The following CDC42BPA variants were observed in gnomAD, a reference collection of about 807,000 sequenced individuals.
CDC42BPA encodes the protein CDC42 binding protein kinase alpha.
In CDC42BPA, 80 loss-of-function variants were observed where a neutral mutation model predicts 223.5. The observed-to-expected ratio is 0.36, with a 90% CI of 0.30 to 0.43. The LOEUF is 0.43. Among genes scored for constraint, CDC42BPA ranks in the 20% least tolerant of loss-of-function variants. The pLI, the probability that CDC42BPA is intolerant of heterozygous loss-of-function variation, is 1.00. For missense variants in CDC42BPA, 1,743 were observed against 2,099.9 expected (o/e 0.83, Z 3.32); for synonymous variants, 694 against 718.6 (o/e 0.97, Z 0.55).
intron 11 of CDC42BPA, among the ~76,000 whole-genome samples, chr1:227,128,326 C>T (rs979181895): frequency 8.5e-5 from 13 of 152,298 alleles, no homozygotes; most frequent in African/African-American, 3.1e-4. Context: ...CCCTGGAGCA[C>T]TATATTTAAA....
intron 8 of CDC42BPA, among the ~76,000 whole-genome samples, chr1:227,143,356 C>T (rs929822054): frequency 6.6e-6 from 1 of 152,130 alleles, no homozygotes. Flanking sequence ...ATTTTATGAT[C>T]ATTTGTAGAC....
In CDC42BPA at chr1:226,994,453, G is replaced by T. The variant is rs1200944377; in HGVS notation, c.5134-54C>A. Reference sequence around the variant, plus strand: ...AGAAGGAGGGGGAGAAAGGGAGGCAGAAGGGGCTCAGATTACCACCGCCCC... The same window carrying T: ...AGAAGGAGGGGGAGAAAGGGAGGCATAAGGGGCTCAGATTACCACCGCCCC... On this transcript the variant is annotated intron_variant, in intron 36 of 36. Coordinates refer to ENST00000366766, the MANE Select transcript of CDC42BPA (RefSeq NM_001394014.1). The surrounding 1 kb of genome is among the most constrained non-coding windows in gnomAD (Gnocchi z 4.0). 8.9e-6 allele frequency: 13 copies of T among 1,456,910 alleles called. No homozygotes were observed. The highest frequency in any genetic ancestry group is 1.2e-5 in the Non-Finnish European group (13 of 1,099,754). The allele number at this position is 1,456,910 out of a possible 1,614,324, so 90.2% of individuals were successfully genotyped here.
rs1196797923 is a variant in CDC42BPA at position 227,031,533 on chromosome 1, T to C, written c.3559-19A>G. The C allele has an allele frequency of 1.3e-6, 2 of 1,586,336 alleles. No homozygotes were observed. Among genetic ancestry groups the C allele is most frequent in the Non-Finnish European group, 1.7e-6 (2 of 1,156,330 alleles). ...CTGTGACCTAGAACAATTTAATCAA[T>C]ATTCATGATATTAGAAAACAGACAC... is the stretch of plus-strand genomic sequence containing the variant. On this transcript the variant is annotated intron_variant, in intron 27 of 36. Transcript: ENST00000366766.
Position 227,051,882 on chromosome 1 carries a change from T to A in CDC42BPA, c.3008A>T (p.Lys1003Met). The A allele has an allele frequency of 2.2e-6, 3 of 1,364,852 alleles. No individual in the cohort carries two copies. Among genetic ancestry groups the A allele is most frequent in the Non-Finnish European group, 2.9e-6 (3 of 1,020,340 alleles). The allele number at this position is 1,364,852 out of a possible 1,614,324, so 84.5% of individuals were successfully genotyped here. Residue 1003 changes from lysine (K) to methionine (M), a missense_variant and splice_region_variant, in exon 22 of 37, where the codon AAG becomes ATG. This residue lies in a region of CDC42BPA where 678 missense variants were observed against 777.5 expected (regional missense o/e 0.87). Coordinates refer to ENST00000366766, the MANE Select transcript of CDC42BPA (RefSeq NM_001394014.1). ...AGCAGGGATGCTCCAATAAGGCACCTTAACTGGCTCAGCTTCACTAGATGT... is the reference window on the plus strand; with the variant it reads ...AGCAGGGATGCTCCAATAAGGCACCATAACTGGCTCAGCTTCACTAGATGT... ...PSTSSEAEPV[K>M]TVDSTPLSVH...
intron 15 of CDC42BPA, among the ~76,000 whole-genome samples, chr1:227,098,579 T>G (rs1049679609): frequency 6.6e-6 from 1 of 152,116 alleles, no homozygotes; most frequent in Non-Finnish European, 1.5e-5. Flanking sequence ...TCCCAACTGC[T>G]TGGACCAAAA....
At chr1:227,084,527 C>CAA (rs577067399) in intron 16 of CDC42BPA, among the ~76,000 whole-genome samples, 30 of 91,028 alleles carry the variant, frequency 3.3e-4, no homozygotes, top group East Asian at 2.6e-3. Context: ...GACTTCATCT[C>CAA]AAAAAAAAAA....
At chr1:227,195,123 T>G (rs1035004233) in intron 4 of CDC42BPA, among the ~76,000 whole-genome samples, 1 of 152,264 alleles carries the variant, frequency 6.6e-6, no homozygotes, top group Admixed American at 6.5e-5. Flanking sequence ...GCCTTGAAAA[T>G]TAGGGAAGCA....
rs534385969 is a variant in CDC42BPA, at chr1:227,247,854, C to T, written c.270+6210G>A. 1.1e-3 allele frequency among the ~76,000 whole-genome samples: 160 copies of T among 152,216 alleles called. 2 individuals are homozygous for T. Among genetic ancestry groups the T allele is most frequent in the Middle Eastern group, 0.01 (3 of 294 alleles). On this transcript the variant is annotated intron_variant, in intron 2 of 36. Transcript: ENST00000366766. ...CCGAGATCACACCACTGCACTCCAA[C>T]CTGGGTGACAGAGTGTGACTCCATC...
intron 34 of CDC42BPA, among the ~76,000 whole-genome samples, chr1:227,007,793 T>A (rs146912782): frequency 6.6e-6 from 1 of 152,254 alleles, no homozygotes; most frequent in Non-Finnish European, 1.5e-5. Flanking sequence ...TCATGACTTA[T>A]GCTATTTAAC....
intron 2 of CDC42BPA, among the ~76,000 whole-genome samples, chr1:227,237,377 CTAT>C (rs1240381337): frequency 6.6e-6 from 1 of 152,146 alleles, no homozygotes; most frequent in Non-Finnish European, 1.5e-5. Flanking sequence ...CCTCGACTAC[CTAT>C]TATTGTTACT....
intron 15 of CDC42BPA, among the ~76,000 whole-genome samples, chr1:227,094,067 A>G (rs780905273): frequency 6.6e-6 from 1 of 152,234 alleles, no homozygotes. Flanking sequence ...CTATGATGAC[A>G]GTTAAGATCA....
At chr1:227,092,016 G>C (rs1332368218) in intron 15 of CDC42BPA, 25 bp from the exon 16 acceptor site, 2 of 1,281,450 alleles carry the variant, frequency 1.6e-6, no homozygotes, top group Admixed American at 2.3e-5. Context: ...AACACAAAAG[G>C]AAAAAGGGGA....
At chr1:227,131,746 G>A (rs1279078302) in intron 10 of CDC42BPA, among the ~76,000 whole-genome samples, 1 of 152,186 alleles carries the variant, frequency 6.6e-6, no homozygotes, top group Non-Finnish European at 1.5e-5. Context: ...AATTAATAGG[G>A]AAGCTACCCT....
At chr1:227,130,327 A>G (rs17606040) in intron 10 of CDC42BPA, among the ~76,000 whole-genome samples, 13,590 of 152,184 alleles carry the variant, frequency 0.089, 715 homozygotes, top group East Asian at 0.15. Flanking sequence ...TATGTTTGGC[A>G]GTCAATAAAT....
chr1:227,176,568 T>C (rs773037099), intron 5 of CDC42BPA, among the ~76,000 whole-genome samples: 2 of 152,182 alleles, frequency 1.3e-5, no homozygotes, highest in Non-Finnish European at 2.9e-5. Flanking sequence ...TAGCCATTAA[T>C]CCTGTGCTCA....
At chr1:227,298,685 A>G (rs989009893) in intron 1 of CDC42BPA, among the ~76,000 whole-genome samples, 1 of 152,228 alleles carries the variant, frequency 6.6e-6, no homozygotes, top group Non-Finnish European at 1.5e-5. Context: ...GCATTCTGGC[A>G]AATGAAAGCC....
Position 227,051,901 on chromosome 1 carries a change from T to G in CDC42BPA, c.2989A>C (p.Ser997Arg), listed in dbSNP as rs1390875344. 3 of 1,366,076 alleles carry G rather than the reference T, an allele frequency of 2.2e-6. No homozygotes were observed. In the African/African-American group the frequency reaches 4.4e-5, roughly 20 times the overall value. 84.6% of individuals were successfully genotyped at this position (1,366,076 alleles called of 1,614,324 possible). A position where few individuals can be genotyped will look rare whatever the true frequency, so the allele number is the denominator to read the frequency against. ...GGCACCTTAACTGGCTCAGCTTCACTAGATGTGGAAGGAGATGTGGACCGT... is the reference window on the plus strand; with the variant it reads ...GGCACCTTAACTGGCTCAGCTTCACGAGATGTGGAAGGAGATGTGGACCGT... ...QSRSTSPSTSSEAEPVKTVDS... is the reference protein window; with the variant it reads ...QSRSTSPSTSREAEPVKTVDS... The change falls in exon 22 of 37, where the codon AGT becomes CGT. Residue 997 changes from serine to arginine, a missense_variant. Transcript: ENST00000366766.
chr1:227,070,992 T>G (rs868038641), intron 20 of CDC42BPA, among the ~76,000 whole-genome samples: 3 of 151,946 alleles, frequency 2.0e-5, no homozygotes, highest in South Asian at 2.1e-4. Context: ...TTTTCCTCAC[T>G]AAATAATGTA....
intron 10 of CDC42BPA, among the ~76,000 whole-genome samples, chr1:227,133,589 A>G (rs1024698785): frequency 2.0e-5 from 3 of 152,214 alleles, no homozygotes; most frequent in African/African-American, 7.2e-5. Flanking sequence ...AGAAGTAGAC[A>G]TGGGAGACTT....
Sources: allele counts gnomAD v4.1 joint callset (sites outside exome capture counted in the v4.1 genomes callset), GRCh38; gene constraint gnomAD v4.1.1; regional missense constraint gnomAD v4.1.1; non-coding constraint Gnocchi (gnomAD v3.1); transcripts MANE v1.5; gene names NCBI Gene and HGNC (gene_info 2026-07-23, HGNC 2026-07-21).